VTI1A: variants seen among roughly 807,000 people sequenced by gnomAD.
VTI1A encodes the protein vesicle transport through interaction with t-SNAREs homolog 1A.
VTI1A carries 22 observed loss-of-function variants against 34.9 expected under a neutral mutation model. That is an observed-to-expected ratio of 0.63 (90% CI 0.45 to 0.90). The LOEUF is 0.90. Ranked by LOEUF, VTI1A falls within the 40% of genes least tolerant of loss-of-function variation. VTI1A has a pLI of 0.00. For synonymous variants in VTI1A, 87 were observed against 97.3 expected (o/e 0.89, Z 0.62); for missense variants, 268 against 275.6 (o/e 0.97, Z 0.20).
At chr10:112,781,007 T>C (rs1169767037) in intron 7 of VTI1A, among the ~76,000 whole-genome samples, 1 of 152,168 alleles carries the variant, frequency 6.6e-6, no homozygotes, top group Non-Finnish European at 1.5e-5. Flanking sequence ...TTGCCCAGGC[T>C]GATCTCGGCT....
intron 4 of VTI1A, among the ~76,000 whole-genome samples, chr10:112,530,981 G>A (rs867165784): frequency 3.3e-5 from 5 of 150,852 alleles, no homozygotes; most frequent in African/African-American, 7.3e-5. Context: ...GCATTTATTC[G>A]TTATCTGTAT....
At chr10:112,548,946 A>G in intron 5 of VTI1A, 2 of 707,226 alleles carry the variant, frequency 2.8e-6, no homozygotes, top group South Asian at 3.6e-5. Flanking sequence ...CCTCCTCCTC[A>G]TAATTATATC....
chr10:112,543,678 G>A (rs1193534766), intron 5 of VTI1A, among the ~76,000 whole-genome samples: 1 of 152,162 alleles, frequency 6.6e-6, no homozygotes, highest in African/African-American at 2.4e-5. Context: ...AAGCTCTTTA[G>A]CTTAATTAGA....
At chr10:112,792,082 T>C (rs1852499973) in intron 7 of VTI1A, among the ~76,000 whole-genome samples, 2 of 152,122 alleles carry the variant, frequency 1.3e-5, no homozygotes, top group South Asian at 4.1e-4. Context: ...GAGACCAGTC[T>C]GGCCAACATA....
At chr10:112,826,335 T>C in the VTI1A span, 2 of 152,124 alleles carry the variant, frequency 1.3e-5, no homozygotes, top group African/African-American at 2.4e-5. Flanking sequence ...TCCAAAGAGA[T>C]TTCAGTCCCC....
chr10:112,530,184 G>A (rs1375685896), intron 4 of VTI1A, among the ~76,000 whole-genome samples: 1 of 152,070 alleles, frequency 6.6e-6, no homozygotes, highest in Non-Finnish European at 1.5e-5. Context: ...AGCTAATGCT[G>A]ATTTACAAAG....
At chr10:112,665,137 G>A (rs1847595446) in intron 5 of VTI1A, among the ~76,000 whole-genome samples, 1 of 152,262 alleles carries the variant, frequency 6.6e-6, no homozygotes, top group African/African-American at 2.4e-5. Context: ...TTTGGTGAAT[G>A]CTTACATCTT....
At chr10:112,830,257 C>G in the VTI1A span, among the ~76,000 whole-genome samples, 1 of 152,020 alleles carries the variant, frequency 6.6e-6, no homozygotes, top group Non-Finnish European at 1.5e-5. Context: ...TCCCATGGCC[C>G]GTCCAGCCTT....
At chr10:112,658,645 C>T (rs1007945551) in intron 5 of VTI1A, among the ~76,000 whole-genome samples, 2 of 151,984 alleles carry the variant, frequency 1.3e-5, no homozygotes, top group Admixed American at 1.3e-4. Context: ...AACATCTAAT[C>T]CTACGGCAGC....
At chr10:112,672,991 T>C (rs1847903358) in intron 7 of VTI1A, among the ~76,000 whole-genome samples, 1 of 152,142 alleles carries the variant, frequency 6.6e-6, no homozygotes, top group African/African-American at 2.4e-5. Context: ...GCTCCTCCGC[T>C]GCATTGTATA....
chr10:112,602,985 C>A (rs1317109434), intron 5 of VTI1A, among the ~76,000 whole-genome samples: 1 of 152,156 alleles, frequency 6.6e-6, no homozygotes, highest in Admixed American at 6.5e-5. Context: ...GAAACATTTT[C>A]TGTGTCACCT....
In VTI1A at chr10:112,451,539, G is replaced by A. The variant is rs554372418; in HGVS notation, c.94+4072G>A. ...AGGAGGTAAGTGATTAGGGCCTTTT[G>A]GATATGAATTTGGAACTGGGCTTTG... On this transcript the variant is annotated intron_variant, in intron 1 of 7. Transcript: ENST00000393077. 4.6e-5 allele frequency among the ~76,000 whole-genome samples: 7 copies of A among 152,312 alleles called. No individual in the cohort carries two copies. In the East Asian group the frequency reaches 1.2e-3, roughly 25 times the overall value.
intron 7 of VTI1A, among the ~76,000 whole-genome samples, chr10:112,720,034 C>T (rs1849744229): frequency 6.6e-6 from 1 of 152,190 alleles, no homozygotes; most frequent in African/African-American, 2.4e-5. Flanking sequence ...TTTCACTTAG[C>T]ATAATGTTTC....
At chr10:112,520,641 G>GTATA (rs1397537845) in intron 3 of VTI1A, among the ~76,000 whole-genome samples, 1 of 111,464 alleles carries the variant, frequency 9.0e-6, no homozygotes, top group African/African-American at 3.0e-5. Context: ...GTGTGTGTGT[G>GTATA]TGTGTGTATA....
rs564885423 is a variant in VTI1A at position 112,614,060 on chromosome 10, G to A, written c.428-54158G>A. Among the ~76,000 whole-genome samples, 3 of 152,208 alleles carry A rather than the reference G, an allele frequency of 2.0e-5. No individual in the cohort carries two copies. In the East Asian group the frequency reaches 5.8e-4, roughly 29 times the overall value. ...TTTTTTCAATTTTTTACAAAGAGAA[G>A]TGGGTTTTAGAGGAAGTAATGCACA... On this transcript the variant is annotated intron_variant, in intron 5 of 7. Coordinates refer to ENST00000393077, the MANE Select transcript of VTI1A (RefSeq NM_145206.4).
intron 7 of VTI1A, among the ~76,000 whole-genome samples, chr10:112,688,141 A>T (rs903979452): frequency 2.0e-5 from 3 of 151,440 alleles, no homozygotes; most frequent in Non-Finnish European, 4.4e-5. Context: ...TTTAGTAGAG[A>T]CAGGGTTTCA....
At chr10:112,594,787 C>G (rs933513884) in intron 5 of VTI1A, among the ~76,000 whole-genome samples, 9 of 151,674 alleles carry the variant, frequency 5.9e-5, no homozygotes, top group Non-Finnish European at 8.9e-5. Context: ...CAATGACTTT[C>G]TTCACAGAAT....
At chr10:112,769,934 A>G (rs1339868716) in intron 7 of VTI1A, among the ~76,000 whole-genome samples, 1 of 152,226 alleles carries the variant, frequency 6.6e-6, no homozygotes, top group Non-Finnish European at 1.5e-5. Context: ...GAGGCTTCTC[A>G]GAATCCACCC....
intron 5 of VTI1A, among the ~76,000 whole-genome samples, chr10:112,607,754 C>G (rs910406826): frequency 8.5e-5 from 13 of 152,168 alleles, no homozygotes; most frequent in African/African-American, 3.1e-4. Context: ...TAGTCATCAG[C>G]ACACTTGACT....
Sources: allele counts gnomAD v4.1 joint callset (sites outside exome capture counted in the v4.1 genomes callset), GRCh38; gene constraint gnomAD v4.1.1; transcripts MANE v1.5; gene names NCBI Gene and HGNC (gene_info 2026-07-23, HGNC 2026-07-21).